The following TMEM163 variants were observed in gnomAD, a reference collection of about 807,000 sequenced individuals.
TMEM163 encodes the protein transmembrane protein 163.
Under a neutral mutation model 29.3 loss-of-function variants are expected in TMEM163, and 17 were observed. The observed-to-expected ratio is 0.58, with a 90% CI of 0.40 to 0.87. The LOEUF (loss-of-function observed/expected upper bound fraction) is 0.87. Ranked by LOEUF, TMEM163 falls within the 40% of genes least tolerant of loss-of-function variation. TMEM163 has a pLI of 0.00. For synonymous variants in TMEM163, 157 were observed against 160.6 expected (o/e 0.98, Z 0.17); for missense variants, 303 against 381.5 (o/e 0.79, Z 1.71).
At chr2:134,572,873 G>A (rs1172192222) in intron 2 of TMEM163, among the ~76,000 whole-genome samples, 2 of 152,214 alleles carry the variant, frequency 1.3e-5, no homozygotes, top group South Asian at 2.1e-4. Flanking sequence ...TGCTGCAGTG[G>A]CAACGATCTC....
chr2:134,522,366 G>T (rs949828116), intron 4 of TMEM163, among the ~76,000 whole-genome samples: 1 of 152,242 alleles, frequency 6.6e-6, no homozygotes, highest in Admixed American at 6.5e-5. Flanking sequence ...GAATGCGTTT[G>T]AATTTGCTTC....
intron 2 of TMEM163, among the ~76,000 whole-genome samples, chr2:134,605,942 C>T (rs1353608937): frequency 6.6e-6 from 1 of 152,086 alleles, no homozygotes; most frequent in Non-Finnish European, 1.5e-5. Context: ...ATCTGGGACA[C>T]ATACAAAATT....
chr2:134,574,649 G>C (rs1253918294), intron 2 of TMEM163, among the ~76,000 whole-genome samples: 1 of 152,336 alleles, frequency 6.6e-6, no homozygotes, highest in East Asian at 1.9e-4. Flanking sequence ...GGGTCTTCCA[G>C]TGTTCCTCAA....
intron 2 of TMEM163, among the ~76,000 whole-genome samples, chr2:134,593,813 T>A (rs1182993814): frequency 6.6e-6 from 1 of 151,684 alleles, no homozygotes; most frequent in Non-Finnish European, 1.5e-5. Flanking sequence ...CTGGGAATTT[T>A]TTTTTTTTTT....
At chr2:134,622,825 C>T (rs1177184511) in intron 2 of TMEM163, among the ~76,000 whole-genome samples, 2 of 152,018 alleles carry the variant, frequency 1.3e-5, no homozygotes, top group African/African-American at 2.4e-5. Context: ...TGGAGTGACA[C>T]GATCTCGGCT....
At chr2:134,540,957 C>T (rs1251086733) in intron 4 of TMEM163, among the ~76,000 whole-genome samples, 1 of 152,186 alleles carries the variant, frequency 6.6e-6, no homozygotes, top group Non-Finnish European at 1.5e-5. Context: ...ATACTGTTGC[C>T]TCGGTGAGCT....
chr2:134,684,922 CAAA>C (rs56956631), intron 2 of TMEM163, among the ~76,000 whole-genome samples: 10 of 74,794 alleles, frequency 1.3e-4, no homozygotes, highest in Admixed American at 2.9e-4. Flanking sequence ...GACCCTGTCT[CAAA>C]AAAAAAAAAA....
chr2:134,640,724 T>C (rs1251597239), intron 2 of TMEM163, among the ~76,000 whole-genome samples: 4 of 152,160 alleles, frequency 2.6e-5, no homozygotes, highest in Non-Finnish European at 5.9e-5. Flanking sequence ...CCCAGGTCTC[T>C]CAAAACAGAC....
chr2:134,505,699 A>G (rs1679807360), intron 4 of TMEM163, among the ~76,000 whole-genome samples: 1 of 152,146 alleles, frequency 6.6e-6, no homozygotes, highest in South Asian at 2.1e-4. Context: ...CTGACAGGGA[A>G]CAGTGGTGAT....
At chr2:134,552,358 CA>C (rs1680948792) in intron 2 of TMEM163, among the ~76,000 whole-genome samples, 1 of 152,192 alleles carries the variant, frequency 6.6e-6, no homozygotes, top group South Asian at 2.1e-4. Flanking sequence ...CAACAGCTGT[CA>C]ATCAAATGAC....
chr2:134,550,791 A>T (rs1338165211), intron 3 of TMEM163, 130 bp from the exon 4 acceptor site: 6 of 839,148 alleles, frequency 7.2e-6, no homozygotes, highest in Non-Finnish European at 1.2e-5. Context: ...GTCTCCCATC[A>T]TTACGACGCA....
At chr2:134,639,095 C>A (rs1252893732) in intron 2 of TMEM163, among the ~76,000 whole-genome samples, 1 of 152,112 alleles carries the variant, frequency 6.6e-6, no homozygotes, top group Non-Finnish European at 1.5e-5. Flanking sequence ...GACGCCTGGA[C>A]CCACAGTCAT....
intron 2 of TMEM163, among the ~76,000 whole-genome samples, chr2:134,621,849 C>T (rs1032563862): frequency 6.6e-6 from 1 of 151,848 alleles, no homozygotes; most frequent in Admixed American, 6.6e-5. Context: ...TGAGATGGTG[C>T]CACTGTACTC....
intron 2 of TMEM163, among the ~76,000 whole-genome samples, chr2:134,556,595 G>A (rs903559557): frequency 1.3e-5 from 2 of 152,162 alleles, no homozygotes; most frequent in Non-Finnish European, 2.9e-5. Flanking sequence ...CAAGGCAGGA[G>A]CATCGCTTGA....
chr2:134,588,915 G>A (rs183937816), intron 2 of TMEM163, among the ~76,000 whole-genome samples: 12 of 152,282 alleles, frequency 7.9e-5, no homozygotes, highest in Admixed American at 7.2e-4. Flanking sequence ...TTCATGAAGA[G>A]CAGCAAACAA....
At chr2:134,706,491 G>C (rs2104896120) in intron 2 of TMEM163, among the ~76,000 whole-genome samples, 1 of 152,318 alleles carries the variant, frequency 6.6e-6, no homozygotes, top group East Asian at 1.9e-4. Context: ...AATGATACAA[G>C]TATTGTGCAT....
chr2:134,661,925 C>CTTTTTTTTTTTTTT lies in TMEM163; in HGVS notation c.322+51274_322+51275insAAAAAAAAAAAAAA, dbSNP rs201436466. Among the ~76,000 whole-genome samples the CTTTTTTTTTTTTTT allele has an allele frequency of 2.5e-4, 20 of 79,064 alleles. 1 individual carries two copies. Among genetic ancestry groups the CTTTTTTTTTTTTTT allele is most frequent in the African/African-American group, 5.9e-4 (10 of 16,990 alleles). The allele number at this position is 79,064 out of a possible 152,430, so 51.9% of individuals were successfully genotyped here. On this transcript the variant is annotated intron_variant, in intron 2 of 7. Transcript: ENST00000281924. The stretch of plus-strand genomic sequence containing the variant: ...AAGTTTTCATGGATTCATTAATTTT[C>CTTTTTTTTTTTTTT]TTTCTTTTTTTTTTTTTTTTTTTTG...
rs1686385924 is a variant in TMEM163 at position 134,456,193 on chromosome 2, G to A, written c.*523C>T. The A allele has an allele frequency of 6.5e-6, 1 of 154,332 alleles. No homozygotes were observed. The highest frequency in any genetic ancestry group is 2.4e-5 in the African/African-American group (1 of 41,406). 9.6% of individuals were successfully genotyped at this position (154,332 alleles called of 1,614,324 possible). ...TTTTGAGCAAATCTGTTTAGACTTA[G>A]GATTAGTAAAACAGTATGAAATAAT... On this transcript the variant is annotated 3_prime_UTR_variant, in exon 8 of 8. Transcript: ENST00000281924.
intron 5 of TMEM163, among the ~76,000 whole-genome samples, chr2:134,496,056 G>C (rs1483129907): frequency 6.7e-6 from 1 of 148,338 alleles, no homozygotes; most frequent in East Asian, 2.1e-4. Flanking sequence ...AAAATCCAAG[G>C]CTTAACTATT....
Sources: allele counts gnomAD v4.1 joint callset (sites outside exome capture counted in the v4.1 genomes callset), GRCh38; gene constraint gnomAD v4.1.1; transcripts MANE v1.5; gene names NCBI Gene and HGNC (gene_info 2026-07-23, HGNC 2026-07-21).